Variants in NCKAP5 observed in about 807,000 individuals in gnomAD.
The protein encoded by NCKAP5 is nck-associated protein 5.
In NCKAP5, 92 loss-of-function variants were observed where a neutral mutation model predicts 167.0. That is an observed-to-expected ratio of 0.55 (90% CI 0.47 to 0.66). The LOEUF is 0.66. Among genes scored for constraint, NCKAP5 ranks in the 30% least tolerant of loss-of-function variants. The pLI is 0.00. For synonymous variants in NCKAP5, 891 were observed against 877.4 expected, an observed-to-expected ratio of 1.02 and a Z score of -0.27; for missense variants, 2,378 against 2,315.0, an observed-to-expected ratio of 1.03 and a Z score of -0.56.
chr2:133,615,509 T>C, the NCKAP5 span, among the ~76,000 whole-genome samples: 2 of 151,988 alleles, frequency 1.3e-5, no homozygotes, highest in African/African-American at 4.8e-5. Context: ...TCCTACTCTC[T>C]GATAAAACAG....
At chr2:133,388,027 C>G (rs1468494994) in intron 3 of NCKAP5, among the ~76,000 whole-genome samples, 1 of 152,220 alleles carries the variant, frequency 6.6e-6, no homozygotes, top group African/African-American at 2.4e-5. Flanking sequence ...TCATCTGAAG[C>G]CTTCTTCTCT....
At chr2:132,853,986 T>A (rs1268880186) in intron 11 of NCKAP5, among the ~76,000 whole-genome samples, 1 of 152,190 alleles carries the variant, frequency 6.6e-6, no homozygotes, top group Non-Finnish European at 1.5e-5. Context: ...TGAAACCACC[T>A]CCCTGTACCT....
At chr2:133,212,189 G>A (rs770712063) in intron 5 of NCKAP5, among the ~76,000 whole-genome samples, 4 of 152,108 alleles carry the variant, frequency 2.6e-5, no homozygotes, top group South Asian at 4.1e-4. Context: ...CTAGAACGTC[G>A]CTGACGAAGT....
At chr2:133,076,928 A>G (rs1026293856) in intron 6 of NCKAP5, among the ~76,000 whole-genome samples, 1 of 152,164 alleles carries the variant, frequency 6.6e-6, no homozygotes, top group African/African-American at 2.4e-5. Flanking sequence ...TGGTTTTAAA[A>G]GCTACACTCA....
intron 3 of NCKAP5, among the ~76,000 whole-genome samples, chr2:133,307,806 G>A (rs1279113262): frequency 6.6e-6 from 1 of 152,020 alleles, no homozygotes; most frequent in Non-Finnish European, 1.5e-5. Flanking sequence ...CATATACTAT[G>A]CATTATCTAT....
intron 7 of NCKAP5, among the ~76,000 whole-genome samples, chr2:132,978,961 C>CA (rs1350747037): frequency 6.6e-6 from 1 of 152,138 alleles, no homozygotes; most frequent in Non-Finnish European, 1.5e-5. Context: ...GAGTCAGAAG[C>CA]AATTATGGTT....
chr2:133,375,605 T>G (rs1686090591), intron 3 of NCKAP5, among the ~76,000 whole-genome samples: 1 of 152,180 alleles, frequency 6.6e-6, no homozygotes, highest in African/African-American at 2.4e-5. Context: ...CCCTCTGCCC[T>G]CTGGTAGGCA....
rs377031696 is a variant in NCKAP5 at position 132,845,117 on chromosome 2, T to C, written c.807+15375A>G. ...CATTTGTGTTTCCTCTCCTGTTAAC[T>C]GTTAACTGTTAACTGTTTCTACTCT... On this transcript the variant is annotated intron_variant, in intron 11 of 19. Transcript: ENST00000409261. 2.5e-4 allele frequency among the ~76,000 whole-genome samples: 38 copies of C among 152,294 alleles called. No homozygotes were observed. In the East Asian group the frequency reaches 7.1e-3, roughly 29 times the overall value.
At chr2:133,671,734 T>C in the NCKAP5 span, among the ~76,000 whole-genome samples, 1 of 146,152 alleles carries the variant, frequency 6.8e-6, no homozygotes, top group Non-Finnish European at 1.5e-5. Context: ...GGTATTCTGG[T>C]ATACACAACA....
intron 10 of NCKAP5, among the ~76,000 whole-genome samples, chr2:132,867,144 G>T (rs1160521189): frequency 6.6e-6 from 1 of 151,358 alleles, no homozygotes; most frequent in Non-Finnish European, 1.5e-5. Context: ...TAGCTGACCT[G>T]AAGGGTCCCG....
At chr2:132,723,092 G>C (rs1245565325) in intron 19 of NCKAP5, among the ~76,000 whole-genome samples, 1 of 151,336 alleles carries the variant, frequency 6.6e-6, no homozygotes, top group Non-Finnish European at 1.5e-5. Flanking sequence ...GTCCCGAAGT[G>C]CTGGGATTAC....
At chr2:132,870,673 A>T (rs573831043) in intron 9 of NCKAP5, among the ~76,000 whole-genome samples, 53 of 151,356 alleles carry the variant, frequency 3.5e-4, no homozygotes, top group African/African-American at 1.2e-3. Context: ...TTCTCTTGGT[A>T]ACATATTTGT....
the NCKAP5 span, among the ~76,000 whole-genome samples, chr2:133,579,189 C>T: frequency 6.6e-6 from 1 of 152,170 alleles, no homozygotes; most frequent in African/African-American, 2.4e-5. Context: ...GAAACTGAGG[C>T]ACATACAGGT....
chr2:132,713,664 TA>T (rs1176253417), intron 19 of NCKAP5, among the ~76,000 whole-genome samples: 1 of 145,522 alleles, frequency 6.9e-6, no homozygotes, highest in Non-Finnish European at 1.5e-5. Flanking sequence ...CATTACAGAA[TA>T]AAAAGGGACA....
intron 16 of NCKAP5, among the ~76,000 whole-genome samples, chr2:132,771,275 G>A (rs930735070): frequency 1.3e-5 from 2 of 152,056 alleles, no homozygotes; most frequent in East Asian, 1.9e-4. Flanking sequence ...GCTAATATGT[G>A]TGTTTGTGTC....
the NCKAP5 span, among the ~76,000 whole-genome samples, chr2:133,663,895 T>G: frequency 6.6e-6 from 1 of 152,196 alleles, no homozygotes; most frequent in Non-Finnish European, 1.5e-5. Context: ...TCTAGAATGG[T>G]GAATTCTTTC....
chr2:133,283,071 CT>C (rs1042650480), intron 4 of NCKAP5, among the ~76,000 whole-genome samples: 41 of 152,264 alleles, frequency 2.7e-4, no homozygotes, highest in African/African-American at 9.4e-4. Flanking sequence ...AAGTTTTATA[CT>C]ACTCACATAA....
At chr2:133,565,085 A>G (rs1009001730) in intron 1 of NCKAP5, among the ~76,000 whole-genome samples, 1 of 152,216 alleles carries the variant, frequency 6.6e-6, no homozygotes, top group African/African-American at 2.4e-5. Flanking sequence ...GGTGCATGCA[A>G]GATATGGAGG....
chr2:132,760,571 T>C (rs1680917729), intron 16 of NCKAP5, among the ~76,000 whole-genome samples: 1 of 151,874 alleles, frequency 6.6e-6, no homozygotes, highest in African/African-American at 2.4e-5. Flanking sequence ...TTCTGTGTAT[T>C]ATTGCTTTTT....
Sources: gnomAD v4.1 joint callset for allele counts (sites outside exome capture counted in the v4.1 genomes callset) on GRCh38, gnomAD v4.1.1 for gene constraint, MANE v1.5 for transcripts, NCBI Gene and HGNC (gene_info 2026-07-23, HGNC 2026-07-21) for gene names.